CHN2: variants seen among roughly 807,000 people sequenced by gnomAD.
CHN2 encodes the protein chimerin 2.
In CHN2, 35 loss-of-function variants were observed where a neutral mutation model predicts 56.3. The observed-to-expected ratio is 0.62, with a 90% CI of 0.47 to 0.82. The LOEUF is 0.82. CHN2 is among the 40% of genes least tolerant of loss of function. The probability of loss-of-function intolerance (pLI) is 0.00; values close to 1 mark genes in which losing one functional copy is unlikely to be tolerated. For synonymous variants in CHN2, 210 were observed against 212.8 expected, an observed-to-expected ratio of 0.99 and a Z score of 0.12; for missense variants, 491 against 580.5, an observed-to-expected ratio of 0.85 and a Z score of 1.58.
chr7:29,273,354 T>TATAC (rs1790866217), intron 1 of CHN2, among the ~76,000 whole-genome samples: 2 of 67,466 alleles, frequency 3.0e-5, no homozygotes, highest in African/African-American at 1.4e-4. Flanking sequence ...TATATATATA[T>TATAC]ATATATATAT....
chr7:29,167,054 G>T (rs1660762660), intron 2 of CHN2, among the ~76,000 whole-genome samples: 1 of 151,980 alleles, frequency 6.6e-6, no homozygotes, highest in Non-Finnish European at 1.5e-5. Context: ...AGTGAACAAT[G>T]TTTACAACTC....
intron 1 of CHN2, among the ~76,000 whole-genome samples, chr7:29,340,757 T>C (rs1299548855): frequency 3.5e-4 from 54 of 152,226 alleles, no homozygotes. Context: ...GCATAAAGCA[T>C]GTCCTCATTT....
intron 6 of CHN2, among the ~76,000 whole-genome samples, chr7:29,415,929 G>A (rs1363601402): frequency 3.9e-5 from 6 of 152,178 alleles, no homozygotes; most frequent in Admixed American, 3.9e-4. Context: ...TGTCATCTTA[G>A]ACTTGTAAGT....
chr7:29,285,458 AT>A (rs1457499323), intron 1 of CHN2, among the ~76,000 whole-genome samples: 2 of 152,282 alleles, frequency 1.3e-5, no homozygotes. Flanking sequence ...TAAGCACAAA[AT>A]TTTTGGTGTG....
intron 1 of CHN2, among the ~76,000 whole-genome samples, chr7:29,340,861 C>T (rs550841704): frequency 1.3e-5 from 2 of 152,200 alleles, no homozygotes; most frequent in Non-Finnish European, 2.9e-5. Context: ...AATGGCTTCA[C>T]CACAACTGCT....
At chr7:29,369,314 ACT>A (rs1442215104) in intron 3 of CHN2, among the ~76,000 whole-genome samples, 1 of 152,114 alleles carries the variant, frequency 6.6e-6, no homozygotes, top group African/African-American at 2.4e-5. Flanking sequence ...ACAACTAAAG[ACT>A]CTATCTAGGG....
At chr7:29,157,630 ATGT>A (rs1482548448) in intron 2 of CHN2, among the ~76,000 whole-genome samples, 1 of 152,238 alleles carries the variant, frequency 6.6e-6, no homozygotes, top group East Asian at 1.9e-4. Context: ...GATAGGTCAA[ATGT>A]TATTTCTCTC....
chr7:29,350,614 C>T (rs548664665), intron 1 of CHN2, among the ~76,000 whole-genome samples: 3 of 152,062 alleles, frequency 2.0e-5, no homozygotes, highest in Non-Finnish European at 4.4e-5. Context: ...ATGACAGGCT[C>T]CAGATCTGGG....
chr7:29,186,727 G>A (rs1798762208), intron 2 of CHN2, among the ~76,000 whole-genome samples: 1 of 151,818 alleles, frequency 6.6e-6, no homozygotes, highest in African/African-American at 2.4e-5. Flanking sequence ...GTCTCAAACA[G>A]GAAAATACTT....
chr7:29,354,056 T>C (rs1197567417), intron 1 of CHN2, among the ~76,000 whole-genome samples: 1 of 152,178 alleles, frequency 6.6e-6, no homozygotes, highest in African/African-American at 2.4e-5. Flanking sequence ...TGCTCAGAGG[T>C]TTCTGGAAAT....
At chr7:29,358,686 G>A (rs1199530490) in intron 2 of CHN2, among the ~76,000 whole-genome samples, 3 of 151,978 alleles carry the variant, frequency 2.0e-5, no homozygotes, top group African/African-American at 7.3e-5. Context: ...GGATGGTCTC[G>A]ATCTCCTGAC....
upstream of CHN2, chr7:29,194,664 C>G (rs1356594715): frequency 5.8e-6 from 2 of 345,578 alleles, no homozygotes; most frequent in Non-Finnish European, 5.2e-6. Flanking sequence ...CCGGCTGCCC[C>G]TCGGCCTCCC....
intron 1 of CHN2, among the ~76,000 whole-genome samples, chr7:29,267,983 G>T (rs1218820615): frequency 6.6e-6 from 1 of 152,134 alleles, no homozygotes; most frequent in East Asian, 1.9e-4. Flanking sequence ...TCTGTGTTAT[G>T]GAAGGTTCTT....
chr7:29,180,543 CA>C (rs10713261), intron 2 of CHN2, among the ~76,000 whole-genome samples: 17,908 of 134,660 alleles, frequency 0.13, 1,176 homozygotes, highest in East Asian at 0.25. Flanking sequence ...GACTCCATCT[CA>C]AAAAAAAAAA....
At chr7:29,178,376 C>T (rs1423865282) in intron 2 of CHN2, among the ~76,000 whole-genome samples, 1 of 152,144 alleles carries the variant, frequency 6.6e-6, no homozygotes, top group Non-Finnish European at 1.5e-5. Flanking sequence ...CTGACCTGGT[C>T]TTCCTCTGCG....
rs953643377 is a variant in CHN2, at chr7:29,334,113, G to A, written c.50-20512G>A. Among the ~76,000 whole-genome samples the A allele has an allele frequency of 2.7e-5, 4 of 145,910 alleles. No homozygotes were observed. The East Asian group carries it at 8.1e-4, about 29-fold the overall frequency. ...ATTGCCCAGGCTGGAGTGCAGTGGC[G>A]CGATCTCGGCTCACTGCAACCTCTG... On this transcript the variant is annotated intron_variant, in intron 1 of 12. Transcript: ENST00000222792.
At chr7:29,310,436 TAA>T (rs1322070581) in intron 1 of CHN2, among the ~76,000 whole-genome samples, 1 of 152,184 alleles carries the variant, frequency 6.6e-6, no homozygotes, top group African/African-American at 2.4e-5. Flanking sequence ...ATGGAAAATA[TAA>T]AGATTGAAAC....
intron 2 of CHN2, among the ~76,000 whole-genome samples, chr7:29,180,092 A>C (rs1797868080): frequency 6.6e-6 from 1 of 152,236 alleles, no homozygotes; most frequent in African/African-American, 2.4e-5. Context: ...TTATGCTTAC[A>C]TGTGTTTCAT....
intron 10 of CHN2, 81 bp from the exon 11 acceptor site, chr7:29,507,147 A>ATT (rs11388362): frequency 0.047 from 46,602 of 990,942 alleles, 3 homozygotes; most frequent in Non-Finnish European, 0.054. Flanking sequence ...TCATCGCTGG[A>ATT]TTTTTTTTTT....
Sources: allele counts gnomAD v4.1 joint callset (sites outside exome capture counted in the v4.1 genomes callset), GRCh38; gene constraint gnomAD v4.1.1; transcripts MANE v1.5; gene names NCBI Gene and HGNC (gene_info 2026-07-23, HGNC 2026-07-21).